The following KDM5A variants were observed in gnomAD, a reference collection of about 807,000 sequenced individuals.
KDM5A encodes the protein lysine-specific demethylase 5A.
A neutral mutation model predicts 193.5 loss-of-function variants in KDM5A; 42 were observed. That is an observed-to-expected ratio of 0.22 (90% CI 0.17 to 0.28). The LOEUF is 0.28. Among genes scored for constraint, KDM5A ranks in the 10% least tolerant of loss-of-function variants. The pLI, the probability that KDM5A is intolerant of heterozygous loss-of-function variation, is 1.00. For synonymous variants in KDM5A, 796 were observed against 718.1 expected, an observed-to-expected ratio of 1.11 and a Z score of -1.73; for missense variants, 1,692 against 2,055.1, an observed-to-expected ratio of 0.82 and a Z score of 3.42.
intron 7 of KDM5A, among the ~76,000 whole-genome samples, 193 bp downstream of exon 7, chr12:354,965 C>T (rs1944213004): frequency 6.6e-6 from 1 of 152,158 alleles, no homozygotes; most frequent in Non-Finnish European, 1.5e-5. Context: ...GTATGACTTA[C>T]AGGAAGCAGC....
intron 20 of KDM5A, 123 bp from the exon 21 acceptor site, chr12:311,187 T>C: frequency 1.2e-6 from 1 of 842,664 alleles, no homozygotes; most frequent in Non-Finnish European, 1.9e-6. Context: ...TTGAATGTAA[T>C]TCCATCTCTT....
At chr12:347,640 C>T (rs1476008397) in intron 10 of KDM5A, among the ~76,000 whole-genome samples, 1 of 152,126 alleles carries the variant, frequency 6.6e-6, no homozygotes, top group Non-Finnish European at 1.5e-5. Flanking sequence ...TTTGACAAAC[C>T]TGACAAAAAC....
At chr12:289,134 G>A (rs1943256543) in intron 27 of KDM5A, among the ~76,000 whole-genome samples, 1 of 152,038 alleles carries the variant, frequency 6.6e-6, no homozygotes, top group Admixed American at 6.5e-5. Flanking sequence ...ATGGAAGTAG[G>A]AATGGGTAAA....
chr12:372,326 G>A (rs1195130124), intron 3 of KDM5A, among the ~76,000 whole-genome samples: 1 of 152,180 alleles, frequency 6.6e-6, no homozygotes, highest in Non-Finnish European at 1.5e-5. Flanking sequence ...TCCCTTGTAA[G>A]TTGGATTCCT....
chr12:349,709 T>TTC (rs1423884566), intron 10 of KDM5A, among the ~76,000 whole-genome samples: 1 of 151,350 alleles, frequency 6.6e-6, no homozygotes, highest in Non-Finnish European at 1.5e-5. Context: ...CTTTTTTTTT[T>TTC]TTCCTTTTTT....
intron 13 of KDM5A, among the ~76,000 whole-genome samples, chr12:330,226 A>G (rs1185363888): frequency 1.3e-5 from 2 of 152,104 alleles, no homozygotes; most frequent in African/African-American, 4.8e-5. Flanking sequence ...ATACTGTGGG[A>G]TTTGCAGTTC....
At chr12:352,738 A>G (rs959719885) in intron 8 of KDM5A, among the ~76,000 whole-genome samples, 17 of 152,232 alleles carry the variant, frequency 1.1e-4, no homozygotes, top group African/African-American at 4.1e-4. Flanking sequence ...GATTGTGAGG[A>G]TATCAGACTA....
chr12:312,083 T>C (rs2137395801), intron 20 of KDM5A, among the ~76,000 whole-genome samples: 1 of 152,258 alleles, frequency 6.6e-6, no homozygotes, highest in Middle Eastern at 3.4e-3. Flanking sequence ...GGGGCAGCAG[T>C]GTAGTGGAAG....
intron 10 of KDM5A, among the ~76,000 whole-genome samples, chr12:342,774 T>TAAAA (rs78058969): frequency 7.9e-6 from 1 of 126,810 alleles, no homozygotes; most frequent in East Asian, 2.3e-4. Context: ...AAATGTGATT[T>TAAAA]AAAAAAAAAA....
chr12:309,048 A>T (rs1413708941), intron 22 of KDM5A, among the ~76,000 whole-genome samples: 3 of 152,242 alleles, frequency 2.0e-5, no homozygotes, highest in Non-Finnish European at 4.4e-5. Flanking sequence ...TTACATTCCT[A>T]AGAGTCAAGT....
intron 17 of KDM5A, 127 bp downstream of exon 17, chr12:322,290 G>A: frequency 1.3e-6 from 1 of 780,776 alleles, no homozygotes; most frequent in Non-Finnish European, 2.1e-6. Flanking sequence ...AGCATTACTG[G>A]GGAAGCAAGA....
chr12:289,371 TAA>T (rs1263479767), intron 27 of KDM5A, among the ~76,000 whole-genome samples: 1 of 152,162 alleles, frequency 6.6e-6, no homozygotes, highest in African/African-American at 2.4e-5. Flanking sequence ...ATTAATTTTT[TAA>T]AAAGTTTTGT....
chr12:300,771 G>C (rs1020091789), intron 24 of KDM5A, among the ~76,000 whole-genome samples: 5 of 152,082 alleles, frequency 3.3e-5, no homozygotes, highest in African/African-American at 4.8e-5. Context: ...CAACAAAATA[G>C]ATAGACCGCT....
At position 366,004 on chromosome 12, in the gene KDM5A, G is replaced by C. The variant is rs765898618; in HGVS notation, c.467C>G (p.Ser156Cys). ...LGYLPGKGTG[S>C]LLKSHYERIL... ...TCTTTCATAATGTGACTTCAAAAGA[G>C]ACCCAGTTCCTTTTCCTGGCAGATA... The change falls in exon 4 of 28, where the codon TCT becomes TGT. Residue 156 changes from serine (S) to cysteine (C), a missense_variant. Physicochemically the swap from Ser to Cys is moderately radical, Grantham distance 112. Around this residue, in one of 11 missense-constraint regions of KDM5A, gnomAD observed 120 missense variants for 172.0 expected, o/e 0.70. Transcript: ENST00000399788. The C allele has an allele frequency of 6.2e-7, 1 of 1,613,682 alleles. No individual in the cohort carries two copies. Among genetic ancestry groups the C allele is most frequent in the East Asian group, 2.2e-5 (1 of 44,866 alleles).
At chr12:351,647 C>G (rs1215091991) in intron 9 of KDM5A, among the ~76,000 whole-genome samples, 2 of 152,262 alleles carry the variant, frequency 1.3e-5, no homozygotes, top group African/African-American at 4.8e-5. Flanking sequence ...AAGGATTACT[C>G]ATACAGGGCT....
At position 281,536 on chromosome 12, in the gene KDM5A, T is replaced by TA. The variant is rs1168169063; in HGVS notation, c.*3919dup. On this transcript the variant is annotated 3_prime_UTR_variant, in exon 28 of 28. Transcript: ENST00000399788. ...TATCCAAAGAAGTAATGGTATGACT[T>TA]AAAAAAAAAGGAGGAATTTCAAAAG... is the stretch of plus-strand genomic sequence containing the variant. 2.0e-4 allele frequency: 46 copies of TA among 230,166 alleles called. No individual in the cohort carries two copies. The highest frequency in any genetic ancestry group is 1.3e-3 in the Middle Eastern group (1 of 774). The allele number at this position is 230,166 out of a possible 1,614,324, so 14.3% of individuals were successfully genotyped here.
chr12:383,915 G>A, intron 3 of KDM5A, 116 bp downstream of exon 3: 1 of 1,124,594 alleles, frequency 8.9e-7, no homozygotes, highest in Non-Finnish European at 1.3e-6. Context: ...TACCCAGCTA[G>A]TGCATTTCAT....
In KDM5A at chr12:284,771, CT is replaced by C. The variant is rs1415528164; in HGVS notation, c.*684del. 1 of 232,898 alleles carries C rather than the reference CT, an allele frequency of 4.3e-6. No individual in the cohort carries two copies. Among genetic ancestry groups the C allele is most frequent in the Non-Finnish European group, 8.5e-6 (1 of 117,902 alleles). The allele number at this position is 232,898 out of a possible 1,614,324, so 14.4% of individuals were successfully genotyped here. A position where few individuals can be genotyped will look rare whatever the true frequency, so the allele number is the denominator to read the frequency against. ...TAGGTTCTTCTCCTCAGAATCCAAT[CT>C]AGTCAGATTTCTGATCTAGATGATA... On this transcript the variant is annotated 3_prime_UTR_variant, in exon 28 of 28. Coordinates refer to ENST00000399788, the MANE Select transcript of KDM5A (RefSeq NM_001042603.3).
chr12:320,018 A>G (rs765099012), intron 18 of KDM5A, among the ~76,000 whole-genome samples: 5 of 152,206 alleles, frequency 3.3e-5, no homozygotes, highest in African/African-American at 4.8e-5. Context: ...GAAAACAAGC[A>G]GCAAGGAAGA....
Sources: gnomAD v4.1 joint callset for allele counts (sites outside exome capture counted in the v4.1 genomes callset) on GRCh38, gnomAD v4.1.1 for gene constraint, gnomAD v4.1.1 regional missense constraint, MANE v1.5 for transcripts, NCBI Gene and HGNC (gene_info 2026-07-23, HGNC 2026-07-21) for gene names.